TP63: variants seen among roughly 807,000 people sequenced by gnomAD.
TP63 encodes the protein tumor protein p63.
In TP63, 17 loss-of-function variants were observed where a neutral mutation model predicts 82.8. The observed-to-expected ratio is 0.21, with a 90% CI of 0.14 to 0.31. TP63 has a LOEUF of 0.31. Ranked by LOEUF, TP63 falls within the 10% of genes least tolerant of loss-of-function variation. The pLI is 1.00. For synonymous variants in TP63, 330 were observed against 321.7 expected, an observed-to-expected ratio of 1.03 and a Z score of -0.28; for missense variants, 648 against 895.3, an observed-to-expected ratio of 0.72 and a Z score of 3.52.
the TP63 span, among the ~76,000 whole-genome samples, chr3:189,609,919 A>G: frequency 7.2e-5 from 11 of 152,192 alleles, no homozygotes; most frequent in African/African-American, 2.7e-4. Context: ...CCTGGGTAGA[A>G]TGGTAGTTCT....
At chr3:189,628,403 T>A (rs1333714780), upstream of TP63, among the ~76,000 whole-genome samples, 1 of 152,136 alleles carries the variant, frequency 6.6e-6, no homozygotes, top group Non-Finnish European at 1.5e-5. Flanking sequence ...GTGAGAAGAA[T>A]TTGTATCATA....
intron 4 of TP63, among the ~76,000 whole-genome samples, chr3:189,843,380 C>T (rs1395968948): frequency 3.3e-5 from 5 of 152,154 alleles, no homozygotes; most frequent in South Asian, 2.1e-4. Context: ...AAGAATGTGC[C>T]GCTCCCAGCC....
chr3:189,661,134 A>C (rs1398829314), intron 1 of TP63, among the ~76,000 whole-genome samples: 1 of 152,024 alleles, frequency 6.6e-6, no homozygotes, highest in East Asian at 1.9e-4. Flanking sequence ...GAGAGTAAGC[A>C]TCCTTGTCTT....
At chr3:189,720,948 G>A (rs1292787788) in intron 1 of TP63, among the ~76,000 whole-genome samples, 2 of 152,128 alleles carry the variant, frequency 1.3e-5, no homozygotes, top group African/African-American at 4.8e-5. Context: ...ACAGCTGGAG[G>A]GGTGAGGCCA....
chr3:189,790,875 C>CA (rs2108594890), intron 3 of TP63, among the ~76,000 whole-genome samples: 1 of 152,230 alleles, frequency 6.6e-6, no homozygotes, highest in African/African-American at 2.4e-5. Flanking sequence ...AAGAGTAGAG[C>CA]AGAGGGCTGC....
intron 11 of TP63, among the ~76,000 whole-genome samples, chr3:189,888,078 G>A (rs1577200319): frequency 6.6e-6 from 1 of 151,768 alleles, no homozygotes; most frequent in African/African-American, 2.4e-5. Context: ...GACTGGTCGC[G>A]AACTCCTGAC....
At chr3:189,882,019 A>G (rs1421895562) in intron 10 of TP63, among the ~76,000 whole-genome samples, 1 of 29,956 alleles carries the variant, frequency 3.3e-5, no homozygotes, top group Non-Finnish European at 7.5e-5. Flanking sequence ...AGTTCTAACC[A>G]AAAAAAAAAA....
chr3:189,716,954 G>T (rs572341339), intron 1 of TP63, among the ~76,000 whole-genome samples: 1 of 151,816 alleles, frequency 6.6e-6, no homozygotes, highest in East Asian at 1.9e-4. Context: ...GATTGCCACC[G>T]CACCCAGCTA....
At chr3:189,610,359 T>C in the TP63 span, among the ~76,000 whole-genome samples, 5 of 152,354 alleles carry the variant, frequency 3.3e-5, no homozygotes, top group Non-Finnish European at 7.3e-5. Context: ...ACAAGTCACC[T>C]CTTGAATGCT....
upstream of TP63, among the ~76,000 whole-genome samples, chr3:189,627,207 G>T (rs1330088014): frequency 1.3e-5 from 2 of 152,144 alleles, no homozygotes; most frequent in Non-Finnish European, 2.9e-5. Flanking sequence ...GACCTCAGGA[G>T]GACCAAGAAC....
At chr3:189,834,608 C>T (rs191533492) in intron 4 of TP63, among the ~76,000 whole-genome samples, 2 of 152,262 alleles carry the variant, frequency 1.3e-5, no homozygotes, top group East Asian at 1.9e-4. Context: ...TGTGGCTGTT[C>T]ACACAGAACA....
At chr3:189,811,744 G>A (rs17506500) in intron 4 of TP63, among the ~76,000 whole-genome samples, 12,806 of 152,228 alleles carry the variant, frequency 0.084, 831 homozygotes, top group Admixed American at 0.21. Context: ...AGGTCACATG[G>A]CTAATAACCA....
At chr3:189,774,201 C>T (rs997931013) in intron 3 of TP63, among the ~76,000 whole-genome samples, 4 of 152,032 alleles carry the variant, frequency 2.6e-5, no homozygotes, top group Admixed American at 6.6e-5. Context: ...GGATTACAGG[C>T]GTGAGCCACC....
intron 10 of TP63, chr3:189,880,185 ATC>A: frequency 6.2e-7 from 1 of 1,611,120 alleles, no homozygotes; most frequent in Non-Finnish European, 8.5e-7. Flanking sequence ...ATAGAGCCCT[ATC>A]TCTATATTTT....
intron 4 of TP63, among the ~76,000 whole-genome samples, chr3:189,829,625 G>GTACT (rs1235311442): frequency 2.6e-5 from 4 of 152,184 alleles, no homozygotes; most frequent in Non-Finnish European, 4.4e-5. Context: ...GAGGAGCAGG[G>GTACT]TACTAAAAGC....
intron 3 of TP63, among the ~76,000 whole-genome samples, chr3:189,748,504 A>G: frequency 6.9e-6 from 1 of 144,376 alleles, no homozygotes; most frequent in African/African-American, 2.6e-5. Flanking sequence ...TACAAGGAAA[A>G]CTACAAAAAA....
intron 3 of TP63, among the ~76,000 whole-genome samples, chr3:189,782,030 T>G (rs527417924): frequency 6.6e-6 from 1 of 152,302 alleles, no homozygotes; most frequent in East Asian, 1.9e-4. Flanking sequence ...GGAAGTGTCT[T>G]GCTTCAAGTA....
intron 3 of TP63, among the ~76,000 whole-genome samples, chr3:189,804,574 C>T (rs1195537065): frequency 1.3e-5 from 2 of 152,092 alleles, no homozygotes; most frequent in Non-Finnish European, 2.9e-5. Flanking sequence ...TCCAATTGTA[C>T]CCTGTTAACA....
At chr3:189,688,947 C>T (rs946526445) in intron 1 of TP63, among the ~76,000 whole-genome samples, 6 of 151,930 alleles carry the variant, frequency 3.9e-5, no homozygotes, top group Non-Finnish European at 7.4e-5. Context: ...ACAATGGCAG[C>T]GACTAAGTCC....
Sources: gnomAD v4.1 joint callset for allele counts (sites outside exome capture counted in the v4.1 genomes callset) on GRCh38, gnomAD v4.1.1 for gene constraint, MANE v1.5 for transcripts, NCBI Gene and HGNC (gene_info 2026-07-23, HGNC 2026-07-21) for gene names.